The following NUP88 variants were observed in gnomAD, a reference collection of about 807,000 sequenced individuals.
NUP88 encodes the protein nuclear pore complex protein Nup88.
NUP88 carries 57 observed loss-of-function variants against 93.9 expected under a neutral mutation model. The observed-to-expected ratio is 0.61, with a 90% CI of 0.49 to 0.76. NUP88 has a LOEUF of 0.76. Among genes scored for constraint, NUP88 ranks in the 30% least tolerant of loss-of-function variants. The probability of loss-of-function intolerance (pLI) is 0.00; values close to 1 mark genes in which losing one functional copy is unlikely to be tolerated. For missense variants in NUP88, 911 were observed against 901.0 expected, an observed-to-expected ratio of 1.01 and a Z score of -0.14; for synonymous variants, 346 against 336.8, an observed-to-expected ratio of 1.03 and a Z score of -0.30.
At chr17:5,386,546 AT>A in intron 16 of NUP88, 161 bp downstream of exon 16, 2 of 213,970 alleles carry the variant, frequency 9.3e-6, no homozygotes, top group Non-Finnish European at 7.0e-6. Context: ...TCCTCCCACC[AT>A]AGTCATTTCT....
At chr17:5,397,813 G>A (rs1324516419) in intron 8 of NUP88, among the ~76,000 whole-genome samples, 1 of 149,992 alleles carries the variant, frequency 6.7e-6, no homozygotes, top group East Asian at 2.0e-4. Flanking sequence ...TATTAAGTTT[G>A]TTGAGTATTT....
At chr17:5,397,381 G>T (rs1912841957) in intron 8 of NUP88, among the ~76,000 whole-genome samples, 1 of 151,926 alleles carries the variant, frequency 6.6e-6, no homozygotes, top group African/African-American at 2.4e-5. Flanking sequence ...ACATTACCTT[G>T]GATTATCCGG....
At chr17:5,395,412 G>A (rs1337311752) in intron 8 of NUP88, among the ~76,000 whole-genome samples, 6 of 152,064 alleles carry the variant, frequency 3.9e-5, no homozygotes, top group African/African-American at 1.4e-4. Context: ...ATGCTCCAAT[G>A]AGCATTTCTG....
chr17:5,386,256 TTA>T lies in NUP88; in HGVS notation c.2174_2175del (p.Ile725LysfsTer9). The T allele has an allele frequency of 6.2e-7, 1 of 1,612,292 alleles. No individual in the cohort carries two copies. Among genetic ancestry groups the T allele is most frequent in the Non-Finnish European group, 8.5e-7 (1 of 1,179,110 alleles). On this transcript the variant is annotated frameshift_variant, in exon 17 of 17. Coordinates refer to ENST00000573584, the MANE Select transcript of NUP88 (RefSeq NM_002532.6). LOFTEE classifies it high-confidence loss of function. ...TCATTGATTTGCTTCACCATTTCCC[TTA>T]TATGTTCACCCCTGTAAAATTGTAA... ...QSILKEEGEHIREMVKQINDI... is the reference protein window; with the variant it reads ...QSILKEEGEHXREMVKQINDI...
chr17:5,393,327 C>T (rs1006523888), intron 9 of NUP88, among the ~76,000 whole-genome samples: 5 of 151,970 alleles, frequency 3.3e-5, no homozygotes, highest in African/African-American at 1.2e-4. Context: ...AAACTCCTGG[C>T]CTCAAGTGAT....
At chr17:5,391,751 G>T in intron 9 of NUP88, 89 bp from the exon 10 acceptor site, 1 of 1,076,004 alleles carries the variant, frequency 9.3e-7, no homozygotes. Context: ...GCCTTCTCAG[G>T]CCTGGGCTGA....
chr17:5,419,254 A>C, intron 1 of NUP88, 100 bp downstream of exon 1: 1 of 1,335,432 alleles, frequency 7.5e-7, no homozygotes, highest in Non-Finnish European at 9.9e-7. Flanking sequence ...ATCCGCTGGA[A>C]CGCCTGCCAC....
intron 10 of NUP88, among the ~76,000 whole-genome samples, chr17:5,390,163 CAAAAA>C (rs34058484): frequency 1.1e-5 from 1 of 89,100 alleles, no homozygotes; most frequent in African/African-American, 4.8e-5. Context: ...AACTCCGTCT[CAAAAA>C]AAAAAAAAAA....
chr17:5,413,062 ACT>A (rs1050688660), intron 3 of NUP88, among the ~76,000 whole-genome samples: 1 of 152,198 alleles, frequency 6.6e-6, no homozygotes, highest in African/African-American at 2.4e-5. Context: ...ACAGGGTTTT[ACT>A]CTGTCACCCA....
intron 5 of NUP88, among the ~76,000 whole-genome samples, chr17:5,406,779 GAA>G: frequency 6.6e-6 from 1 of 151,836 alleles, no homozygotes; most frequent in Middle Eastern, 3.4e-3. Context: ...AAAAAGAAAA[GAA>G]AAGAAAATCG....
chr17:5,410,978 T>C (rs562132277), intron 3 of NUP88, among the ~76,000 whole-genome samples, 189 bp from the exon 4 acceptor site: 29 of 152,346 alleles, frequency 1.9e-4, no homozygotes, highest in South Asian at 1.2e-3. Context: ...GGGAGTTTCA[T>C]TGGGGCCTGA....
Position 5,405,120 on chromosome 17 carries a change from A to G in NUP88, c.981T>C (p.Ala327=). 3.7e-6 allele frequency: 6 copies of G among 1,614,186 alleles called. No homozygotes were observed. The highest frequency in any genetic ancestry group is 5.1e-6 in the Non-Finnish European group (6 of 1,180,008). ...LPCVPNILVI[A]TESGMLYHCV... ...AGTGATACAGCATTCCTGATTCAGT[A>G]GCGATCACTAAGATATTGGGGACAC... The change falls in exon 6 of 17, where the codon GCT becomes GCC. Residue 327 remains alanine, a synonymous_variant. Coordinates refer to ENST00000573584, the MANE Select transcript of NUP88 (RefSeq NM_002532.6).
Position 5,386,215 on chromosome 17 carries a change from T to C in NUP88, c.2217A>G (p.Val739=). The C allele has an allele frequency of 6.2e-7, 1 of 1,613,390 alleles. No individual in the cohort carries two copies. The highest frequency in any genetic ancestry group is 2.2e-5 in the East Asian group (1 of 44,842). ...TCAGCTCCTGGTGGTGTCAGAAGTT[T>C]ACATGATTGCGGATATCATTGATTT... ...VKQINDIRNH[V]NF is the part of the protein sequence containing the mutation. The change falls in exon 17 of 17, where the codon GTA becomes GTG. Residue 739 remains valine, a synonymous_variant. Transcript: ENST00000573584.
chr17:5,407,871 C>G (rs1913589692), intron 5 of NUP88, among the ~76,000 whole-genome samples: 1 of 152,164 alleles, frequency 6.6e-6, no homozygotes, highest in Admixed American at 6.5e-5. Context: ...TTCAAACTCT[C>G]ATAAATGACA....
rs1212240181 is a variant in NUP88 at position 5,419,500 on chromosome 17, GCGACGAAGGCAA to G, written c.139_150del (p.Leu47_Ser50del). ...TTTCTCGTCAGCAACTGCGGCGGCG[GCGACGAAGGCAA>G]CGACGAAGAAGCTGGTTTCTCAGCT... On this transcript the variant is annotated inframe_deletion, in exon 1 of 17. Transcript: ENST00000573584. 31 of 1,613,892 alleles carry G rather than the reference GCGACGAAGGCAA, an allele frequency of 1.9e-5. No individual in the cohort carries two copies. The highest frequency in any genetic ancestry group is 2.2e-5 in the East Asian group (1 of 44,880).
chr17:5,415,176 C>T (rs1914066186), intron 2 of NUP88, among the ~76,000 whole-genome samples: 1 of 151,700 alleles, frequency 6.6e-6, no homozygotes, highest in African/African-American at 2.4e-5. Flanking sequence ...TGTGCCACCA[C>T]ACCCCACTTA....
intron 8 of NUP88, among the ~76,000 whole-genome samples, chr17:5,399,190 C>CTTTTTTTT (rs536801907): frequency 8.1e-6 from 1 of 123,458 alleles, no homozygotes. Flanking sequence ...CGCACCCGGC[C>CTTTTTTTT]TTTTTTTTTT....
intron 9 of NUP88, among the ~76,000 whole-genome samples, chr17:5,393,432 T>C (rs1243249901): frequency 1.3e-5 from 2 of 148,610 alleles, no homozygotes; most frequent in Non-Finnish European, 3.0e-5. Context: ...CTTGTTCACT[T>C]TTCTTTTTTT....
At chr17:5,406,638 A>C (rs1213801531) in intron 5 of NUP88, among the ~76,000 whole-genome samples, 3 of 120,788 alleles carry the variant, frequency 2.5e-5, no homozygotes, top group Non-Finnish European at 5.3e-5. Flanking sequence ...GTTCTGAAGC[A>C]GGGACAGAGG....
Sources: allele counts gnomAD v4.1 joint callset (sites outside exome capture counted in the v4.1 genomes callset), GRCh38; gene constraint gnomAD v4.1.1; transcripts MANE v1.5; gene names NCBI Gene and HGNC (gene_info 2026-07-23, HGNC 2026-07-21).